STK32B: variants seen among roughly 807,000 people sequenced by gnomAD.
The protein encoded by STK32B is serine/threonine kinase 32B.
A neutral mutation model predicts 52.6 loss-of-function variants in STK32B; 43 were observed. That is an observed-to-expected ratio of 0.82 (90% CI 0.64 to 1.05). The LOEUF (loss-of-function observed/expected upper bound fraction) is 1.05, where lower values mean the gene tolerates loss of function less well. Ranked by LOEUF, STK32B falls within the 50% of genes least tolerant of loss-of-function variation. STK32B has a pLI of 0.00. For synonymous variants in STK32B, 238 were observed against 204.3 expected (o/e 1.17, Z -1.41); for missense variants, 621 against 534.6 (o/e 1.16, Z -1.59).
intron 2 of STK32B, among the ~76,000 whole-genome samples, chr4:5,157,478 G>A (rs1717952821): frequency 6.6e-6 from 1 of 152,172 alleles, no homozygotes; most frequent in African/African-American, 2.4e-5. Context: ...CAGTGGGGGT[G>A]AGGGCAACAG....
intron 1 of STK32B, among the ~76,000 whole-genome samples, chr4:5,061,356 T>A (rs1173195539): frequency 6.6e-6 from 1 of 152,224 alleles, no homozygotes; most frequent in African/African-American, 2.4e-5. Flanking sequence ...TTCAAATTCC[T>A]GCTGAAATTC....
At chr4:5,286,557 T>C (rs1380932590) in intron 3 of STK32B, among the ~76,000 whole-genome samples, 1 of 152,318 alleles carries the variant, frequency 6.6e-6, no homozygotes, top group South Asian at 2.1e-4. Flanking sequence ...TAGAATCATG[T>C]AATGACTTTA....
intron 4 of STK32B, among the ~76,000 whole-genome samples, chr4:5,334,056 A>C (rs545780156): frequency 6.6e-6 from 1 of 152,184 alleles, no homozygotes; most frequent in Non-Finnish European, 1.5e-5. Context: ...GAATCTATAA[A>C]TTACCTTGGG....
At chr4:5,142,656 CTTG>C (rs1251917408) in intron 2 of STK32B, among the ~76,000 whole-genome samples, 1 of 152,158 alleles carries the variant, frequency 6.6e-6, no homozygotes. Context: ...TGACTTGGAA[CTTG>C]TTGAGGGCAG....
At chr4:5,465,013 G>A (rs545061991) in intron 9 of STK32B, among the ~76,000 whole-genome samples, 1 of 152,250 alleles carries the variant, frequency 6.6e-6, no homozygotes, top group South Asian at 2.1e-4. Flanking sequence ...AGGAGTTGGT[G>A]ATGATGGACA....
At chr4:5,339,294 A>G (rs1002043439) in intron 4 of STK32B, among the ~76,000 whole-genome samples, 5 of 152,174 alleles carry the variant, frequency 3.3e-5, no homozygotes, top group Non-Finnish European at 7.3e-5. Flanking sequence ...TCTGTTATAT[A>G]TGTATATCTA....
rs1577252249 is a variant in STK32B, at chr4:5,254,829, A to G, written c.261-76391A>G. 2.6e-5 allele frequency among the ~76,000 whole-genome samples: 4 copies of G among 152,222 alleles called. 1 individual carries two copies. In the South Asian group the frequency reaches 8.3e-4, roughly 32 times the overall value. Reference sequence around the variant, plus strand: ...TTTAGGTTTTACCCATACATTTTGTAAGGTTGTAAAAAATAAAGGATGAGA... The same window carrying G: ...TTTAGGTTTTACCCATACATTTTGTGAGGTTGTAAAAAATAAAGGATGAGA... On this transcript the variant is annotated intron_variant, in intron 3 of 11. Transcript: ENST00000282908.
At position 5,460,941 on chromosome 4, in the gene STK32B, G is replaced by C. The variant is rs1362130792; in HGVS notation, c.909+713G>C. On this transcript the variant is annotated intron_variant, in intron 9 of 11. Coordinates refer to ENST00000282908, the MANE Select transcript of STK32B (RefSeq NM_018401.3). The surrounding 1 kb of genome is among the most constrained non-coding windows in gnomAD (Gnocchi z 4.8). ...CAGAAACTGGAGTGTTTAAGGCAGG[G>C]AAGTGAAAGCATTGGATTTACATTT... 1.3e-5 allele frequency among the ~76,000 whole-genome samples: 2 copies of C among 152,210 alleles called. No individual in the cohort carries two copies. The highest frequency in any genetic ancestry group is 2.9e-5 in the Non-Finnish European group (2 of 68,032).
chr4:5,080,456 G>A (rs1428066305), intron 1 of STK32B, among the ~76,000 whole-genome samples: 1 of 152,082 alleles, frequency 6.6e-6, no homozygotes, highest in Non-Finnish European at 1.5e-5. Flanking sequence ...CTTCTTCCTG[G>A]CTTTTTTTAG....
At chr4:5,313,560 G>T (rs1457594920) in intron 3 of STK32B, among the ~76,000 whole-genome samples, 1 of 151,952 alleles carries the variant, frequency 6.6e-6, no homozygotes, top group African/African-American at 2.4e-5. Flanking sequence ...AGAGAAAATA[G>T]AACTGTCTCT....
intron 11 of STK32B, among the ~76,000 whole-genome samples, chr4:5,498,192 C>T (rs1198260572): frequency 1.3e-5 from 2 of 152,194 alleles, no homozygotes; most frequent in Non-Finnish European, 2.9e-5. Context: ...CGTCTCCATT[C>T]CGTTCTTGCT....
At chr4:5,123,810 TG>T (rs569644097) in intron 1 of STK32B, among the ~76,000 whole-genome samples, 173 of 150,904 alleles carry the variant, frequency 1.1e-3, no homozygotes, top group African/African-American at 3.8e-3. Context: ...ACATGAGTTT[TG>T]GGGGGATACA....
intron 3 of STK32B, among the ~76,000 whole-genome samples, chr4:5,238,641 A>G (rs1724794473): frequency 6.6e-6 from 1 of 152,236 alleles, no homozygotes; most frequent in Non-Finnish European, 1.5e-5. Flanking sequence ...TTCGGGCTTA[A>G]ATTCTGGATT....
At chr4:5,048,457 T>G (rs1167171742), upstream of STK32B, among the ~76,000 whole-genome samples, 2 of 152,096 alleles carry the variant, frequency 1.3e-5, no homozygotes, top group East Asian at 3.9e-4. Context: ...CCACCACGCT[T>G]GGCTAATATT....
chr4:5,157,106 T>C (rs138455477), intron 2 of STK32B, among the ~76,000 whole-genome samples: 2 of 152,298 alleles, frequency 1.3e-5, no homozygotes, highest in Non-Finnish European at 2.9e-5. Flanking sequence ...TAAGGTTCAA[T>C]GTTCAAAAGC....
At position 5,132,507 on chromosome 4, in the gene STK32B, A is replaced by G. The variant is rs527600820; in HGVS notation, c.53-7398A>G. On this transcript the variant is annotated intron_variant, in intron 1 of 11. Transcript: ENST00000282908. Reference sequence around the variant, plus strand: ...ATAAAAAATAAATAAAAGGGGATGCATAAGGGTGAGAGAAGATGTGACAAC... The same window carrying G: ...ATAAAAAATAAATAAAAGGGGATGCGTAAGGGTGAGAGAAGATGTGACAAC... 7.2e-5 allele frequency among the ~76,000 whole-genome samples: 11 copies of G among 152,302 alleles called. No homozygotes were observed. The South Asian group carries it at 2.1e-3, about 29-fold the overall frequency.
chr4:5,203,458 C>A (rs1722315513), intron 3 of STK32B, among the ~76,000 whole-genome samples: 2 of 152,142 alleles, frequency 1.3e-5, no homozygotes, highest in African/African-American at 4.8e-5. Context: ...GCTGACCACC[C>A]ATTTCCTGGC....
intron 6 of STK32B, among the ~76,000 whole-genome samples, chr4:5,443,976 G>T (rs1553890773): frequency 6.6e-6 from 1 of 152,194 alleles, no homozygotes; most frequent in South Asian, 2.1e-4. Context: ...CTCCAGCTGC[G>T]TGCTGGGAGA....
upstream of STK32B, among the ~76,000 whole-genome samples, chr4:5,048,533 G>A (rs1488503473): frequency 6.6e-6 from 1 of 152,164 alleles, no homozygotes; most frequent in African/African-American, 2.4e-5. Flanking sequence ...CTGAGCTTAG[G>A]TAATCCACCC....
Sources: gnomAD v4.1 joint callset for allele counts (sites outside exome capture counted in the v4.1 genomes callset) on GRCh38, gnomAD v4.1.1 for gene constraint, Gnocchi (gnomAD v3.1) non-coding constraint, MANE v1.5 for transcripts, NCBI Gene and HGNC (gene_info 2026-07-23, HGNC 2026-07-21) for gene names.